The following FOXP1 variants were observed in gnomAD, a reference collection of about 807,000 sequenced individuals.
The protein encoded by FOXP1 is forkhead box P1.
FOXP1 carries 15 observed loss-of-function variants against 98.2 expected under a neutral mutation model. That is an observed-to-expected ratio of 0.15 (90% CI 0.10 to 0.24). The LOEUF is 0.24. Among genes scored for constraint, FOXP1 ranks in the 10% least tolerant of loss-of-function variants. FOXP1 has a pLI of 1.00. For synonymous variants in FOXP1, 371 were observed against 314.5 expected (o/e 1.18, Z -1.90); for missense variants, 633 against 848.5 (o/e 0.75, Z 3.15).
rs1299908851 is a variant in FOXP1 at position 71,440,713 on chromosome 3, T to A, written c.-168+52713A>T. ...TCTGTCTCAAAAAAAAAAAAAAAAATAGTTATCCAGGCATGCTGGCATGTG... is the reference window on the plus strand; with the variant it reads ...TCTGTCTCAAAAAAAAAAAAAAAAAAAGTTATCCAGGCATGCTGGCATGTG... On this transcript the variant is annotated intron_variant, in intron 3 of 20. Coordinates refer to ENST00000649528, the MANE Select transcript of FOXP1 (RefSeq NM_001349338.3). 5.2e-3 allele frequency among the ~76,000 whole-genome samples: 701 copies of A among 134,540 alleles called. 9 individuals carry two copies. The highest frequency in any genetic ancestry group is 0.019 in the African/African-American group (655 of 34,296). The allele number at this position is 134,540 out of a possible 152,430, so 88.3% of individuals were successfully genotyped here. A position where few individuals can be genotyped will look rare whatever the true frequency, so the allele number is the denominator to read the frequency against.
At chr3:70,963,864 G>A (rs553429867) in intron 20 of FOXP1, among the ~76,000 whole-genome samples, 14 of 152,292 alleles carry the variant, frequency 9.2e-5, no homozygotes, top group African/African-American at 3.4e-4. Context: ...GTCACAGAAA[G>A]GGTAAGAATG....
chr3:71,315,267 C>A (rs965340735), intron 4 of FOXP1, among the ~76,000 whole-genome samples: 1 of 152,068 alleles, frequency 6.6e-6, no homozygotes, highest in South Asian at 2.1e-4. Flanking sequence ...GAACCACTTT[C>A]CAGCCACACC....
intron 5 of FOXP1, among the ~76,000 whole-genome samples, chr3:71,271,616 C>G (rs191634153): frequency 6.6e-6 from 1 of 152,274 alleles, no homozygotes; most frequent in Admixed American, 6.5e-5. Flanking sequence ...AAGAACCACA[C>G]GGGTAATAGC....
At chr3:71,489,804 G>A (rs1352512386) in intron 3 of FOXP1, among the ~76,000 whole-genome samples, 4 of 152,242 alleles carry the variant, frequency 2.6e-5, no homozygotes, top group Non-Finnish European at 5.9e-5. Context: ...TACATTACCC[G>A]TCTTCTGACC....
At chr3:71,418,628 C>T (rs1280435270) in intron 3 of FOXP1, among the ~76,000 whole-genome samples, 1 of 152,062 alleles carries the variant, frequency 6.6e-6, no homozygotes, top group African/African-American at 2.4e-5. Flanking sequence ...TCAGAACCAA[C>T]ATATTTTATC....
chr3:71,403,641 G>A (rs1373051493), intron 3 of FOXP1, among the ~76,000 whole-genome samples: 1 of 152,208 alleles, frequency 6.6e-6, no homozygotes, highest in Non-Finnish European at 1.5e-5. Flanking sequence ...TTGCACCTAG[G>A]AATTCAAGAC....
chr3:71,049,993 A>AC (rs1244105114), intron 9 of FOXP1, among the ~76,000 whole-genome samples: 1 of 152,178 alleles, frequency 6.6e-6, no homozygotes, highest in Non-Finnish European at 1.5e-5. Context: ...CTCCTGGGTC[A>AC]CCTTTGCCTG....
chr3:71,257,017 G>A (rs80172007), intron 5 of FOXP1, among the ~76,000 whole-genome samples: 3,793 of 152,180 alleles, frequency 0.025, 147 homozygotes, highest in African/African-American at 0.087. Flanking sequence ...TTGGCCAAAG[G>A]GAATCTCTGT....
chr3:71,573,034 C>T (rs1030362187), intron 2 of FOXP1, among the ~76,000 whole-genome samples: 1 of 152,080 alleles, frequency 6.6e-6, no homozygotes, highest in African/African-American at 2.4e-5. Flanking sequence ...CCCAGCAATC[C>T]AATATAAAAT....
intron 3 of FOXP1, among the ~76,000 whole-genome samples, chr3:71,476,952 T>C (rs1000713222): frequency 1.3e-5 from 2 of 152,220 alleles, no homozygotes; most frequent in Admixed American, 6.5e-5. Context: ...AAATTACTCA[T>C]CTGAAGGAAA....
Position 71,419,264 on chromosome 3 carries a change from G to A in FOXP1, c.-167-60020C>T, listed in dbSNP as rs779989364. ...AAAAAAAAAAAAAAAAAAAAAAAAA[G>A]GGAGGGGAGGGGAGGGAAGGAAAAA... On this transcript the variant is annotated intron_variant, in intron 3 of 20. Coordinates refer to ENST00000649528, the MANE Select transcript of FOXP1 (RefSeq NM_001349338.3). 8.4e-4 allele frequency among the ~76,000 whole-genome samples: 112 copies of A among 132,866 alleles called. 1 individual carries two copies. Among genetic ancestry groups the A allele is most frequent in the Admixed American group, 7.2e-3 (94 of 13,036 alleles). The allele number at this position is 132,866 out of a possible 152,430, so 87.2% of individuals were successfully genotyped here.
intron 5 of FOXP1, among the ~76,000 whole-genome samples, chr3:71,283,887 G>C (rs994202879): frequency 3.9e-5 from 6 of 152,252 alleles, no homozygotes; most frequent in African/African-American, 1.4e-4. Context: ...AGGGCCACTG[G>C]TATAGTGGCC....
At chr3:71,147,810 A>G (rs1205303371) in intron 6 of FOXP1, among the ~76,000 whole-genome samples, 1 of 152,228 alleles carries the variant, frequency 6.6e-6, no homozygotes. Context: ...ATAGTAAAAA[A>G]AAAATTCTCG....
At chr3:71,152,510 C>T (rs919664109) in intron 6 of FOXP1, among the ~76,000 whole-genome samples, 9 of 152,156 alleles carry the variant, frequency 5.9e-5, no homozygotes, top group African/African-American at 2.2e-4. Context: ...ATGGGTTCCC[C>T]CAGAGGTGGG....
At chr3:71,060,393 T>A (rs1383801477) in intron 7 of FOXP1, among the ~76,000 whole-genome samples, 2 of 152,086 alleles carry the variant, frequency 1.3e-5, no homozygotes, top group Non-Finnish European at 2.9e-5. Context: ...ATCTCACCAT[T>A]CACTGATTTA....
chr3:71,314,266 CATGCCTGTA>C, intron 4 of FOXP1, among the ~76,000 whole-genome samples: 1 of 152,292 alleles, frequency 6.6e-6, no homozygotes, highest in South Asian at 2.1e-4. Context: ...CATGGTGGCA[CATGCCTGTA>C]ATCCCAGAAC....
chr3:71,374,414 T>C (rs922542142), intron 3 of FOXP1, among the ~76,000 whole-genome samples: 1 of 151,898 alleles, frequency 6.6e-6, no homozygotes, highest in Non-Finnish European at 1.5e-5. Flanking sequence ...GCCAACAAGG[T>C]GAAACCAGTT....
intron 6 of FOXP1, among the ~76,000 whole-genome samples, chr3:71,145,903 G>C (rs953876110): frequency 2.0e-5 from 3 of 152,178 alleles, no homozygotes; most frequent in African/African-American, 7.2e-5. Flanking sequence ...TCCCTTGCTG[G>C]AGAAATGATT....
At chr3:71,269,990 C>A (rs2070175464) in intron 5 of FOXP1, among the ~76,000 whole-genome samples, 1 of 152,184 alleles carries the variant, frequency 6.6e-6, no homozygotes, top group Admixed American at 6.5e-5. Flanking sequence ...TGCCAAAGCA[C>A]CTAGCAAAGT....
Sources: allele counts gnomAD v4.1 joint callset (sites outside exome capture counted in the v4.1 genomes callset), GRCh38; gene constraint gnomAD v4.1.1; transcripts MANE v1.5; gene names NCBI Gene and HGNC (gene_info 2026-07-23, HGNC 2026-07-21).